Variants in SCARA5 observed in about 807,000 individuals in gnomAD.
SCARA5 encodes the protein scavenger receptor class A member 5.
In SCARA5, 45 loss-of-function variants were observed where a neutral mutation model predicts 46.3. The observed-to-expected ratio is 0.97, with a 90% CI of 0.76 to 1.24. The LOEUF is 1.24. Ranked by LOEUF, SCARA5 falls within the 50% of genes most tolerant of loss-of-function variation. The probability of loss-of-function intolerance (pLI) is 0.00; values close to 1 mark genes in which losing one functional copy is unlikely to be tolerated. For synonymous variants in SCARA5, 333 were observed against 306.5 expected (o/e 1.09, Z -0.90); for missense variants, 680 against 689.0 (o/e 0.99, Z 0.15).
rs535539509 is a variant in SCARA5 at position 27,983,979 on chromosome 8, G to A, written c.112+3525C>T. Among the ~76,000 whole-genome samples the A allele has an allele frequency of 8.5e-5, 13 of 152,238 alleles. No homozygotes were observed. In the South Asian group the frequency reaches 2.5e-3, roughly 29 times the overall value. Reference sequence around the variant, plus strand: ...GAGGAAGACCTGTAAGGGACTTGGAGCTTGTCCTGGACCTCACACTTCACC... The same window carrying A: ...GAGGAAGACCTGTAAGGGACTTGGAACTTGTCCTGGACCTCACACTTCACC... On this transcript the variant is annotated intron_variant, in intron 2 of 8. Transcript: ENST00000354914.
chr8:27,912,089 C>A (rs367579603), intron 4 of SCARA5, among the ~76,000 whole-genome samples: 1 of 152,144 alleles, frequency 6.6e-6, no homozygotes, highest in Non-Finnish European at 1.5e-5. Context: ...TTTCAGACTT[C>A]GAGTCTCCAG....
At chr8:27,919,691 C>T (rs1277422936) in intron 4 of SCARA5, among the ~76,000 whole-genome samples, 1 of 151,804 alleles carries the variant, frequency 6.6e-6, no homozygotes, top group African/African-American at 2.4e-5. Context: ...CAATGGGAAG[C>T]ACACTAGCTC....
At chr8:27,977,105 T>C (rs1808536738) in intron 2 of SCARA5, among the ~76,000 whole-genome samples, 1 of 152,146 alleles carries the variant, frequency 6.6e-6, no homozygotes, top group East Asian at 1.9e-4. Context: ...CTCCTCACGG[T>C]ATACTCCCAT....
chr8:27,935,483 C>CCT (rs1397776066), intron 3 of SCARA5, among the ~76,000 whole-genome samples: 1 of 152,154 alleles, frequency 6.6e-6, no homozygotes, highest in Non-Finnish European at 1.5e-5. Context: ...GAACATCCAG[C>CCT]CTCTAGTCTG....
At chr8:27,875,158 CCT>C (rs1806701910) in intron 8 of SCARA5, among the ~76,000 whole-genome samples, 1 of 151,804 alleles carries the variant, frequency 6.6e-6, no homozygotes, top group Non-Finnish European at 1.5e-5. Context: ...TTTCTTCCTT[CCT>C]CTCTCCCTCT....
At chr8:27,991,858 CAT>C (rs1337372787) in intron 1 of SCARA5, among the ~76,000 whole-genome samples, 4 of 151,896 alleles carry the variant, frequency 2.6e-5, no homozygotes, top group East Asian at 3.9e-4. Flanking sequence ...CACACACACA[CAT>C]GCACACACAC....
At chr8:27,960,259 C>T (rs922790963) in intron 3 of SCARA5, among the ~76,000 whole-genome samples, 23 of 151,618 alleles carry the variant, frequency 1.5e-4, no homozygotes, top group African/African-American at 5.6e-4. Flanking sequence ...TCACTACGAC[C>T]TTGAACTCCT....
At chr8:27,902,499 C>A (rs1321319712) in intron 7 of SCARA5, among the ~76,000 whole-genome samples, 1 of 152,212 alleles carries the variant, frequency 6.6e-6, no homozygotes, top group Non-Finnish European at 1.5e-5. Context: ...CCTGCTGGCT[C>A]GACCTCCTCA....
At position 27,966,525 on chromosome 8, in the gene SCARA5, G is replaced by A. The variant is rs149173037; in HGVS notation, c.130C>T (p.Arg44Trp). 8.8e-5 allele frequency: 142 copies of A among 1,612,732 alleles called. No individual in the cohort carries two copies. The highest frequency in any genetic ancestry group is 2.3e-4 in the South Asian group (21 of 90,860). Residue 44 changes from arginine (R) to tryptophan (W), a missense_variant, in exon 3 of 9, where the codon CGG (arginine) becomes TGG (tryptophan). Arg to Trp is a moderately radical substitution (Grantham distance 101, BLOSUM62 -3). Transcript: ENST00000354914. ...LCEDGPCHKR[R>W]ASICCTQLGS... ...AGCTGGGTACAGCAGATGCTTGCCC[G>A]CCGTTTGTGACATGGACCTGGACAA... is the stretch of plus-strand genomic sequence containing the variant.
chr8:27,875,749 G>A (rs1694702369), intron 8 of SCARA5, among the ~76,000 whole-genome samples: 1 of 152,196 alleles, frequency 6.6e-6, no homozygotes, highest in African/African-American at 2.4e-5. Flanking sequence ...CAGGCAGGGA[G>A]TGAGGTGACC....
intron 3 of SCARA5, among the ~76,000 whole-genome samples, chr8:27,958,752 T>C (rs916535110): frequency 6.6e-6 from 1 of 152,192 alleles, no homozygotes; most frequent in African/African-American, 2.4e-5. Context: ...TGCATTTAAC[T>C]TGAAGCAACA....
intron 4 of SCARA5, among the ~76,000 whole-genome samples, chr8:27,918,444 C>T (rs1423073082): frequency 1.8e-5 from 2 of 109,100 alleles, no homozygotes; most frequent in Non-Finnish European, 3.7e-5. Context: ...AGGGAGACTT[C>T]AGGGAGCTAG....
chr8:27,950,926 C>A (rs1336988991), intron 3 of SCARA5, among the ~76,000 whole-genome samples: 1 of 151,474 alleles, frequency 6.6e-6, no homozygotes, highest in Non-Finnish European at 1.5e-5. Flanking sequence ...ATTCCACAGA[C>A]CTCACCAATA....
At chr8:27,976,505 A>C (rs2129963164) in intron 2 of SCARA5, among the ~76,000 whole-genome samples, 1 of 152,256 alleles carries the variant, frequency 6.6e-6, no homozygotes, top group South Asian at 2.1e-4. Context: ...TTCCATTTTT[A>C]AACCACTCCT....
At chr8:27,897,574 T>C (rs1275488516) in intron 7 of SCARA5, among the ~76,000 whole-genome samples, 15 of 152,254 alleles carry the variant, frequency 9.9e-5, no homozygotes, top group Non-Finnish European at 2.2e-4. Flanking sequence ...CCAAAGCCAC[T>C]GCATGTCTGC....
intron 7 of SCARA5, among the ~76,000 whole-genome samples, chr8:27,897,663 G>A (rs1332251034): frequency 6.9e-6 from 1 of 145,590 alleles, no homozygotes; most frequent in African/African-American, 2.5e-5. Context: ...ACGCAGAGAA[G>A]TGGAGACACA....
chr8:27,971,556 G>A (rs1356014227), intron 2 of SCARA5, among the ~76,000 whole-genome samples: 1 of 152,172 alleles, frequency 6.6e-6, no homozygotes, highest in Non-Finnish European at 1.5e-5. Flanking sequence ...GGAGAAAATG[G>A]TCAACAACCA....
intron 2 of SCARA5, among the ~76,000 whole-genome samples, chr8:27,973,021 G>T (rs913452170): frequency 3.9e-5 from 6 of 152,158 alleles, no homozygotes; most frequent in African/African-American, 1.4e-4. Context: ...GTTCTCTGAG[G>T]CAAGGTGTGT....
intron 7 of SCARA5, among the ~76,000 whole-genome samples, chr8:27,900,766 C>G (rs1379842181): frequency 6.8e-6 from 1 of 148,048 alleles, no homozygotes; most frequent in Non-Finnish European, 1.5e-5. Context: ...GTATTTCTCT[C>G]TTGAGATATG....
Sources: allele counts gnomAD v4.1 joint callset (sites outside exome capture counted in the v4.1 genomes callset), GRCh38; gene constraint gnomAD v4.1.1; transcripts MANE v1.5; gene names NCBI Gene and HGNC (gene_info 2026-07-23, HGNC 2026-07-21).